TMEM52B: variants seen among roughly 807,000 people sequenced by gnomAD.
The protein encoded by TMEM52B is chromosome 12 open reading frame 59.
Under a neutral mutation model 16.1 loss-of-function variants are expected in TMEM52B, and 11 were observed. The ratio of observed to expected loss-of-function variants is 0.68; its 90% CI spans 0.43 to 1.13. The LOEUF is 1.13. Among genes scored for constraint, TMEM52B ranks in the 50% most tolerant of loss-of-function variants. The pLI, the probability that TMEM52B is intolerant of heterozygous loss-of-function variation, is 0.00. For missense variants in TMEM52B, 243 were observed against 230.4 expected (o/e 1.05, Z -0.35); for synonymous variants, 101 against 93.8 (o/e 1.08, Z -0.45).
chr12:10,188,491 G>GGGAA (rs56380186), intron 4 of TMEM52B, among the ~76,000 whole-genome samples: 1,716 of 78,010 alleles, frequency 0.022, 33 homozygotes, highest in South Asian at 0.036. Context: ...AAGAGAGAGA[G>GGGAA]GGAAGGAAGG....
At chr12:10,188,880 G>A (rs1948917770) in intron 4 of TMEM52B, among the ~76,000 whole-genome samples, 1 of 152,052 alleles carries the variant, frequency 6.6e-6, no homozygotes, top group East Asian at 1.9e-4. Context: ...AGCTCGGCGT[G>A]GTGGCGGGCG....
At chr12:10,173,526 T>C (rs577666200) in intron 1 of TMEM52B, among the ~76,000 whole-genome samples, 1 of 141,264 alleles carries the variant, frequency 7.1e-6, no homozygotes, top group East Asian at 2.2e-4. Flanking sequence ...ATGCCTGTAA[T>C]CTCAGCACTT....
Position 10,189,997 on chromosome 12 carries a change from G to C in TMEM52B, c.409G>C (p.Gly137Arg), listed in dbSNP as rs1185250381. 6.2e-7 allele frequency: 1 copy of C among 1,614,142 alleles called. No homozygotes were observed. ...QLPSSLDTLP[G>R]YEEALHMSRF... The stretch of plus-strand genomic sequence containing the variant: ...GCCCTCCTCTTTGGACACCCTCCCA[G>C]GGTATGAAGAAGCTCTTCACATGAG... The change falls in exon 5 of 5, where the codon GGG (glycine) becomes CGG (arginine). Residue 137 changes from glycine to arginine, a missense_variant. Transcript: ENST00000543484.
chr12:10,190,298 A>G lies in TMEM52B; in HGVS notation c.*158A>G. The G allele has an allele frequency of 6.4e-6, 6 of 939,816 alleles. No individual in the cohort carries two copies. The highest frequency in any genetic ancestry group is 2.6e-5 in the East Asian group (1 of 38,018). The allele number at this position is 939,816 out of a possible 1,614,324, so 58.2% of individuals were successfully genotyped here. ...TTACTCTTCGTTCACAGGCCTTTAT[A>G]TCTTCCGATACAGAATGCTCTAATT... is the stretch of plus-strand genomic sequence containing the variant. On this transcript the variant is annotated 3_prime_UTR_variant, in exon 5 of 5. Coordinates refer to ENST00000543484, the MANE Select transcript of TMEM52B (RefSeq NM_001384896.1).
At chr12:10,186,692 C>A in intron 4 of TMEM52B, 103 bp downstream of exon 4, 1 of 1,190,274 alleles carries the variant, frequency 8.4e-7, no homozygotes, top group Non-Finnish European at 1.1e-6. Context: ...ATTAAAGATT[C>A]CAGGACTCAC....
chr12:10,185,441 T>A, intron 3 of TMEM52B, 73 bp downstream of exon 3: 1 of 1,092,748 alleles, frequency 9.2e-7, no homozygotes, highest in East Asian at 2.4e-5. Context: ...CCTGCCTACT[T>A]ACTTAGCATC....
chr12:10,178,643 A>G (rs1002790438), upstream of TMEM52B, among the ~76,000 whole-genome samples: 4 of 149,856 alleles, frequency 2.7e-5, no homozygotes, highest in Admixed American at 6.7e-5. Flanking sequence ...TCCTTAACCA[A>G]AGAGAGAGAG....
rs967051540 is a variant in TMEM52B at position 10,179,472 on chromosome 12, C to T, written c.-103C>T. 5.0e-5 allele frequency: 64 copies of T among 1,283,170 alleles called. No individual in the cohort carries two copies. Among genetic ancestry groups the T allele is most frequent in the Non-Finnish European group, 6.8e-5 (60 of 881,884 alleles). The allele number at this position is 1,283,170 out of a possible 1,614,324, so 79.5% of individuals were successfully genotyped here. On this transcript the variant is annotated 5_prime_UTR_variant, in exon 1 of 5. Coordinates refer to ENST00000543484, the MANE Select transcript of TMEM52B (RefSeq NM_001384896.1). Reference sequence around the variant, plus strand: ...TGATAAATTCCTGAGAAAAGTTTCTCTTCTTAAGAATTCTAGGTCAAGAAG... The same window carrying T: ...TGATAAATTCCTGAGAAAAGTTTCTTTTCTTAAGAATTCTAGGTCAAGAAG...
chr12:10,184,349 A>C (rs1421277553), intron 2 of TMEM52B, among the ~76,000 whole-genome samples: 1 of 152,236 alleles, frequency 6.6e-6, no homozygotes, highest in Non-Finnish European at 1.5e-5. Flanking sequence ...CGCAACCTCA[A>C]GAGGGAGTCA....
upstream of TMEM52B, among the ~76,000 whole-genome samples, chr12:10,178,522 C>CAAAAAAAAA (rs56217145): frequency 9.1e-6 from 1 of 109,770 alleles, no homozygotes. Context: ...GACTCCGTCT[C>CAAAAAAAAA]AAAAAAAAAA....
chr12:10,175,220 T>C (rs1948757427), upstream of TMEM52B: 1 of 152,214 alleles, frequency 6.6e-6, no homozygotes, highest in Non-Finnish European at 1.5e-5. Context: ...ATGTAAGGTA[T>C]AGTGACTATT....
intron 4 of TMEM52B, among the ~76,000 whole-genome samples, chr12:10,187,840 T>C (rs1319678744): frequency 1.3e-5 from 2 of 152,168 alleles, no homozygotes; most frequent in Non-Finnish European, 2.9e-5. Flanking sequence ...GGCTCATGCC[T>C]GTAATCCCAG....
chr12:10,178,183 T>C (rs915220399), upstream of TMEM52B, among the ~76,000 whole-genome samples: 15 of 149,802 alleles, frequency 1.0e-4, no homozygotes, highest in Admixed American at 1.0e-3. Context: ...GCATGAGCCA[T>C]GGCACCCGGC....
intron 4 of TMEM52B, among the ~76,000 whole-genome samples, chr12:10,189,016 C>CAAAAAAAAAAAAAA (rs869240234): frequency 1.8e-5 from 1 of 56,500 alleles, no homozygotes; most frequent in African/African-American, 8.1e-5. Flanking sequence ...GACTCCGTCT[C>CAAAAAAAAAAAAAA]AAAAAAAAAA....
chr12:10,183,332 G>C (rs888555360), intron 2 of TMEM52B, among the ~76,000 whole-genome samples: 6 of 152,062 alleles, frequency 3.9e-5, no homozygotes, highest in Admixed American at 2.6e-4. Context: ...CTTGACACCT[G>C]CTTTCTGAGG....
chr12:10,189,115 A>G (rs1194905323), intron 4 of TMEM52B, among the ~76,000 whole-genome samples: 2 of 146,958 alleles, frequency 1.4e-5, no homozygotes, highest in Admixed American at 1.4e-4. Flanking sequence ...GCAGGAGAGA[A>G]TTGTTTGAAC....
upstream of TMEM52B, among the ~76,000 whole-genome samples, chr12:10,178,645 G>GAA (rs1948788194): frequency 1.3e-5 from 2 of 150,042 alleles, no homozygotes; most frequent in South Asian, 4.2e-4. Flanking sequence ...CTTAACCAAA[G>GAA]AGAGAGAGAG....
At chr12:10,174,457 C>T (rs1025251707), upstream of TMEM52B, among the ~76,000 whole-genome samples, 3 of 152,110 alleles carry the variant, frequency 2.0e-5, no homozygotes, top group South Asian at 2.1e-4. Context: ...GATTTCGCTG[C>T]ATAATGTAGG....
chr12:10,172,206 T>C, intron 1 of TMEM52B: 1 of 653,064 alleles, frequency 1.5e-6, no homozygotes, highest in Non-Finnish European at 2.7e-6. Context: ...CAATCATTGG[T>C]AGGAGGAAGG....
Sources: allele counts gnomAD v4.1 joint callset (sites outside exome capture counted in the v4.1 genomes callset), GRCh38; gene constraint gnomAD v4.1.1; transcripts MANE v1.5; gene names NCBI Gene and HGNC (gene_info 2026-07-23, HGNC 2026-07-21).